Variants in KIF6 observed in about 807,000 individuals in gnomAD.
KIF6 encodes the protein kinesin family member 6.
KIF6 carries 106 observed loss-of-function variants against 112.7 expected under a neutral mutation model. The ratio of observed to expected loss-of-function variants is 0.94; its 90% CI spans 0.80 to 1.11. The LOEUF (loss-of-function observed/expected upper bound fraction) is 1.11, where lower values mean the gene tolerates loss of function less well. Ranked by LOEUF, KIF6 falls within the 50% of genes least tolerant of loss-of-function variation. The pLI is 0.00. For synonymous variants in KIF6, 339 were observed against 339.9 expected (o/e 1.00, Z 0.03); for missense variants, 929 against 964.0 (o/e 0.96, Z 0.48).
At chr6:39,416,164 G>C (rs951835643) in intron 15 of KIF6, among the ~76,000 whole-genome samples, 18 of 152,354 alleles carry the variant, frequency 1.2e-4, no homozygotes, top group African/African-American at 4.1e-4. Flanking sequence ...TGGGCCTTAA[G>C]CCAGTGAACA....
In KIF6 at chr6:39,590,411, G is replaced by A. The variant is rs981514028; in HGVS notation, c.847-4007C>T. ...AAACTTCTTGATGATATATATATAT[G>A]TGTGTGTATGTGTGTGTGTATATAT... On this transcript the variant is annotated intron_variant, in intron 7 of 22. Transcript: ENST00000287152. 5.0e-5 allele frequency among the ~76,000 whole-genome samples: 4 copies of A among 80,220 alleles called. No homozygotes were observed. In the East Asian group the frequency reaches 1.3e-3, roughly 25 times the overall value. The allele number at this position is 80,220 out of a possible 152,430, so 52.6% of individuals were successfully genotyped here.
chr6:39,425,880 C>T (rs1770730032), intron 14 of KIF6, among the ~76,000 whole-genome samples: 1 of 151,898 alleles, frequency 6.6e-6, no homozygotes, highest in African/African-American at 2.4e-5. Flanking sequence ...TGGGAGTTAC[C>T]TCCTGATGGT....
At chr6:39,568,515 C>G (rs1780446423) in intron 10 of KIF6, among the ~76,000 whole-genome samples, 1 of 151,958 alleles carries the variant, frequency 6.6e-6, no homozygotes, top group East Asian at 1.9e-4. Context: ...AAATTAGGCA[C>G]AAACTTTCTT....
intron 3 of KIF6, among the ~76,000 whole-genome samples, chr6:39,672,153 CTTTT>C (rs1266952498): frequency 6.6e-6 from 1 of 152,108 alleles, no homozygotes; most frequent in Non-Finnish European, 1.5e-5. Flanking sequence ...AGGAAGTTGA[CTTTT>C]TTATTTTAGA....
At chr6:39,612,500 T>C (rs1270295048) in intron 6 of KIF6, among the ~76,000 whole-genome samples, 1 of 152,166 alleles carries the variant, frequency 6.6e-6, no homozygotes, top group Non-Finnish European at 1.5e-5. Context: ...CCAAGCTGGG[T>C]CAATCCTAGC....
chr6:39,693,448 T>C (rs993377685), intron 3 of KIF6, among the ~76,000 whole-genome samples: 1 of 152,194 alleles, frequency 6.6e-6, no homozygotes, highest in African/African-American at 2.4e-5. Context: ...GGTATTGCCA[T>C]GTGACTAAGT....
chr6:39,686,835 C>A (rs1385771637), intron 3 of KIF6, among the ~76,000 whole-genome samples: 1 of 152,032 alleles, frequency 6.6e-6, no homozygotes, highest in African/African-American at 2.4e-5. Context: ...CTCCTAGAAA[C>A]CAATTGCATT....
At chr6:39,482,836 C>T (rs1179336952) in intron 13 of KIF6, among the ~76,000 whole-genome samples, 9 of 152,118 alleles carry the variant, frequency 5.9e-5, no homozygotes, top group East Asian at 1.9e-4. Context: ...GCTCCGGGTA[C>T]GAGGACACAT....
chr6:39,359,493 C>T (rs763330653), intron 18 of KIF6, among the ~76,000 whole-genome samples: 4 of 152,068 alleles, frequency 2.6e-5, no homozygotes, highest in Non-Finnish European at 4.4e-5. Context: ...ATTAAAACAA[C>T]GCTGTAGGAT....
At chr6:39,583,175 C>T in intron 9 of KIF6, 1 of 259,942 alleles carries the variant, frequency 3.8e-6, no homozygotes, top group Non-Finnish European at 7.9e-6. Context: ...CAAAACCCTC[C>T]AATGTCTAAT....
At chr6:39,653,227 C>A (rs1785578131) in intron 3 of KIF6, among the ~76,000 whole-genome samples, 1 of 152,100 alleles carries the variant, frequency 6.6e-6, no homozygotes, top group African/African-American at 2.4e-5. Flanking sequence ...CCTTGATTTT[C>A]ATTAATTACA....
chr6:39,532,701 A>G (rs139924481), intron 13 of KIF6, among the ~76,000 whole-genome samples: 2 of 152,376 alleles, frequency 1.3e-5, no homozygotes, highest in Non-Finnish European at 2.9e-5. Context: ...ACTAAAATAT[A>G]TGCTTCTTAA....
chr6:39,362,861 C>T (rs1460344160), intron 16 of KIF6, among the ~76,000 whole-genome samples: 1 of 152,144 alleles, frequency 6.6e-6, no homozygotes, highest in Non-Finnish European at 1.5e-5. Flanking sequence ...ATAAAGAGCC[C>T]TTCAGGGCCA....
chr6:39,544,353 CAA>C, intron 12 of KIF6, 200 bp downstream of exon 12: 1 of 432,358 alleles, frequency 2.3e-6, no homozygotes, highest in Non-Finnish European at 4.0e-6. Flanking sequence ...AGGATAAAAA[CAA>C]ACACATTTTT....
chr6:39,574,762 C>T (rs1331684080), intron 10 of KIF6, among the ~76,000 whole-genome samples: 1 of 152,108 alleles, frequency 6.6e-6, no homozygotes, highest in Non-Finnish European at 1.5e-5. Context: ...TTCTCCTCAC[C>T]AACACCTATT....
At chr6:39,365,828 C>T (rs1043329664) in intron 16 of KIF6, among the ~76,000 whole-genome samples, 5 of 152,110 alleles carry the variant, frequency 3.3e-5, no homozygotes, top group Admixed American at 6.5e-5. Flanking sequence ...TGGAGGCGGG[C>T]GGAGGAAGGG....
At chr6:39,529,026 C>T (rs1777897758) in intron 13 of KIF6, among the ~76,000 whole-genome samples, 1 of 152,160 alleles carries the variant, frequency 6.6e-6, no homozygotes, top group African/African-American at 2.4e-5. Flanking sequence ...GTAGACTCAA[C>T]TGATTTTTGA....
chr6:39,412,971 G>A (rs377509813), intron 15 of KIF6, among the ~76,000 whole-genome samples: 2 of 150,204 alleles, frequency 1.3e-5, no homozygotes, highest in Non-Finnish European at 1.5e-5. Context: ...CCTTATTTTG[G>A]AAAAAAAAAA....
At chr6:39,495,608 C>T (rs1775738855) in intron 13 of KIF6, among the ~76,000 whole-genome samples, 1 of 152,132 alleles carries the variant, frequency 6.6e-6, no homozygotes. Flanking sequence ...TGGGGTGGTG[C>T]TATGATCAAA....
Sources: allele counts gnomAD v4.1 joint callset (sites outside exome capture counted in the v4.1 genomes callset), GRCh38; gene constraint gnomAD v4.1.1; transcripts MANE v1.5; gene names NCBI Gene and HGNC (gene_info 2026-07-23, HGNC 2026-07-21).